The following SESN1 variants were observed in gnomAD, a reference collection of about 807,000 sequenced individuals.
The protein encoded by SESN1 is sestrin-1.
A neutral mutation model predicts 59.3 loss-of-function variants in SESN1; 30 were observed. The observed-to-expected ratio is 0.51, with a 90% CI of 0.38 to 0.69. SESN1 has a LOEUF of 0.69. Among genes scored for constraint, SESN1 ranks in the 30% least tolerant of loss-of-function variants. The pLI, the probability that SESN1 is intolerant of heterozygous loss-of-function variation, is 0.00. For missense variants in SESN1, 566 were observed against 673.0 expected (o/e 0.84, Z 1.76); for synonymous variants, 197 against 219.9 (o/e 0.90, Z 0.92).
intron 1 of SESN1, among the ~76,000 whole-genome samples, chr6:109,013,565 G>A (rs1779891744): frequency 6.6e-6 from 1 of 152,196 alleles, no homozygotes; most frequent in Non-Finnish European, 1.5e-5. Context: ...AGAAAAAGCA[G>A]TAATTAGGTT....
chr6:109,048,091 T>TA (rs1464071085), intron 1 of SESN1, among the ~76,000 whole-genome samples: 1 of 131,104 alleles, frequency 7.6e-6, no homozygotes, highest in East Asian at 2.0e-4. Context: ...GAATTATCAA[T>TA]AAAAAAATAA....
intron 1 of SESN1, among the ~76,000 whole-genome samples, chr6:109,026,390 C>T (rs906036763): frequency 6.6e-6 from 1 of 152,204 alleles, no homozygotes; most frequent in African/African-American, 2.4e-5. Flanking sequence ...AAAATTCTCA[C>T]CTACCCAGAA....
chr6:109,000,443 C>T, intron 4 of SESN1, 48 bp downstream of exon 4: 1 of 1,369,352 alleles, frequency 7.3e-7, no homozygotes, highest in Non-Finnish European at 9.6e-7. Context: ...TAAAACTGCT[C>T]TAAAAAAGTC....
intron 1 of SESN1, among the ~76,000 whole-genome samples, chr6:109,054,554 C>A (rs1780597615): frequency 6.6e-6 from 1 of 152,132 alleles, no homozygotes; most frequent in African/African-American, 2.4e-5. Flanking sequence ...TTTATAACAT[C>A]CTGACCTACA....
chr6:108,998,764 G>GAAA lies in SESN1; in HGVS notation c.730-12_730-10dup. 8.6e-7 allele frequency: 1 copy of GAAA among 1,169,482 alleles called. No individual in the cohort carries two copies. Among genetic ancestry groups the GAAA allele is most frequent in the Admixed American group, 2.4e-5 (1 of 41,010 alleles). The allele number at this position is 1,169,482 out of a possible 1,614,324, so 72.4% of individuals were successfully genotyped here. On this transcript the variant is annotated splice_polypyrimidine_tract_variant and intron_variant, in intron 4 of 9. Transcript: ENST00000436639. ...TCAGCTTTTAAAAGTCCCTTAGGGGGAAAAAAAAAAAGAATATATTTTTGT... is the reference window on the plus strand; with the variant it reads ...TCAGCTTTTAAAAGTCCCTTAGGGGGAAAAAAAAAAAAAAGAATATATTTTTGT...
chr6:109,050,651 T>C (rs1780527307), intron 1 of SESN1, among the ~76,000 whole-genome samples: 1 of 152,148 alleles, frequency 6.6e-6, no homozygotes, highest in South Asian at 2.1e-4. Flanking sequence ...TCCCTCCCAT[T>C]CCTAAATCAA....
At chr6:109,006,231 C>T (rs1443586120) in intron 1 of SESN1, among the ~76,000 whole-genome samples, 1 of 152,082 alleles carries the variant, frequency 6.6e-6, no homozygotes, top group East Asian at 1.9e-4. Flanking sequence ...TTAATCCTTA[C>T]CTTAATCTAT....
At chr6:109,077,135 C>T (rs1781044303) in intron 1 of SESN1, among the ~76,000 whole-genome samples, 1 of 152,042 alleles carries the variant, frequency 6.6e-6, no homozygotes, top group Non-Finnish European at 1.5e-5. Context: ...CTTATAGTAC[C>T]ACTATTGTAT....
rs1779153758 is a variant in SESN1 at position 108,985,264 on chromosome 6, A to T, written c.*2280T>A. 6.6e-6 allele frequency among the ~76,000 whole-genome samples: 1 copy of T among 151,462 alleles called. No individual in the cohort carries two copies. Among genetic ancestry groups the T allele is most frequent in the Non-Finnish European group, 1.5e-5 (1 of 67,774 alleles). ...ATGATAAAGTTTGGCCTAATAAAAA[A>T]TTTTCCCAAATACGGCCAAAACAAC... is the stretch of plus-strand genomic sequence containing the variant. On this transcript the variant is annotated 3_prime_UTR_variant, in exon 10 of 10. Coordinates refer to ENST00000436639, the MANE Select transcript of SESN1 (RefSeq NM_014454.3).
intron 1 of SESN1, among the ~76,000 whole-genome samples, chr6:109,088,620 T>C (rs1158359616): frequency 6.6e-6 from 1 of 152,208 alleles, no homozygotes. Context: ...GGCAAACTTA[T>C]GAAAATGACC....
chr6:109,062,148 C>G (rs1382245200), intron 1 of SESN1, among the ~76,000 whole-genome samples: 1 of 152,154 alleles, frequency 6.6e-6, no homozygotes, highest in Non-Finnish European at 1.5e-5. Context: ...CCTCAGCCTC[C>G]CAGGTAGCTG....
At chr6:109,034,677 A>C (rs1001787748) in intron 1 of SESN1, among the ~76,000 whole-genome samples, 3 of 152,216 alleles carry the variant, frequency 2.0e-5, no homozygotes, top group Non-Finnish European at 4.4e-5. Flanking sequence ...TACAAAAGGG[A>C]ATGGGAGTGT....
rs118064107 is a variant in SESN1 at position 109,082,995 on chromosome 6, A to G, written c.279+10800T>C. Reference sequence around the variant, plus strand: ...TTCTACATGCTTTACACGTTCAAATAATTCTCAAACCCACTGTATGAAGTA... The same window carrying G: ...TTCTACATGCTTTACACGTTCAAATGATTCTCAAACCCACTGTATGAAGTA... On this transcript the variant is annotated intron_variant, in intron 1 of 9. Transcript: ENST00000436639. Among the ~76,000 whole-genome samples, 1,248 of 152,352 alleles carry G rather than the reference A, an allele frequency of 8.2e-3. 8 individuals are homozygous for G. The highest frequency in any genetic ancestry group is 0.013 in the Non-Finnish European group (904 of 68,032).
At chr6:108,995,762 C>G (rs376811111) in intron 5 of SESN1, among the ~76,000 whole-genome samples, 1 of 152,138 alleles carries the variant, frequency 6.6e-6, no homozygotes, top group African/African-American at 2.4e-5. Context: ...CCAGCCTGGA[C>G]AACAGAGAGA....
chr6:109,082,649 C>G (rs1457794596), intron 1 of SESN1, among the ~76,000 whole-genome samples: 2 of 152,162 alleles, frequency 1.3e-5, no homozygotes, highest in African/African-American at 4.8e-5. Context: ...ATGCTGGACT[C>G]CAATGAAGGG....
At chr6:108,989,516 TAG>T (rs943645507) in intron 8 of SESN1, among the ~76,000 whole-genome samples, 2 of 148,348 alleles carry the variant, frequency 1.3e-5, no homozygotes, top group African/African-American at 2.5e-5. Flanking sequence ...TATATATATA[TAG>T]AGAGATATCT....
At chr6:109,038,113 A>C (rs1780275320) in intron 1 of SESN1, among the ~76,000 whole-genome samples, 1 of 152,208 alleles carries the variant, frequency 6.6e-6, no homozygotes, top group African/African-American at 2.4e-5. Context: ...CAAAGTAGAC[A>C]TTTTGTCCTG....
chr6:108,997,275 T>C (rs540261771), intron 5 of SESN1, among the ~76,000 whole-genome samples: 1 of 152,320 alleles, frequency 6.6e-6, no homozygotes, highest in South Asian at 2.1e-4. Context: ...TCAAGTACTT[T>C]TTTCTTTAGC....
intron 1 of SESN1, among the ~76,000 whole-genome samples, chr6:109,077,946 A>G (rs943116511): frequency 2.0e-5 from 3 of 152,186 alleles, no homozygotes; most frequent in African/African-American, 7.2e-5. Flanking sequence ...TCAAAAATTA[A>G]TTACTAATGA....
Sources: gnomAD v4.1 joint callset for allele counts (sites outside exome capture counted in the v4.1 genomes callset) on GRCh38, gnomAD v4.1.1 for gene constraint, MANE v1.5 for transcripts, NCBI Gene and HGNC (gene_info 2026-07-23, HGNC 2026-07-21) for gene names.